Variants in TMEM200B observed in about 807,000 individuals in gnomAD.
The protein encoded by TMEM200B is transmembrane protein TTMA.
Under a neutral mutation model 17.6 loss-of-function variants are expected in TMEM200B, and 12 were observed. The ratio of observed to expected loss-of-function variants is 0.68; its 90% CI spans 0.44 to 1.11. The LOEUF is 1.11. Ranked by LOEUF, TMEM200B falls within the 50% of genes least tolerant of loss-of-function variation. The pLI is 0.00. For missense variants in TMEM200B, 456 were observed against 447.6 expected, an observed-to-expected ratio of 1.02 and a Z score of -0.17; for synonymous variants, 234 against 209.2, an observed-to-expected ratio of 1.12 and a Z score of -1.02.
rs1053060802 is a variant in TMEM200B at position 29,119,483 on chromosome 1, CAT to C, written c.*1420_*1421del. ...AGAAATAAAGATTTCCTCCAAGCCA[CAT>C]GAGGACTCTGGCACCCACCCACAAA... On this transcript the variant is annotated 3_prime_UTR_variant, in exon 2 of 2. Transcript: ENST00000521452. 28 of 152,370 alleles carry C rather than the reference CAT, an allele frequency of 1.8e-4. No individual in the cohort carries two copies. Among genetic ancestry groups the C allele is most frequent in the African/African-American group, 6.5e-4 (27 of 41,462 alleles). The allele number at this position is 152,370 out of a possible 1,614,324, so 9.4% of individuals were successfully genotyped here. A position where few individuals can be genotyped will look rare whatever the true frequency, so the allele number is the denominator to read the frequency against.
In TMEM200B at chr1:29,121,288, C is replaced by T; in HGVS notation, c.541G>A (p.Val181Ile). The change falls in exon 2 of 2, where the codon GTA becomes ATA. Residue 181 changes from valine (V) to isoleucine (I), a missense_variant. By Grantham distance (29) the Val-to-Ile change is conservative. Coordinates refer to ENST00000521452, the MANE Select transcript of TMEM200B (RefSeq NM_001003682.4). The surrounding 1 kb of genome is among the most constrained non-coding windows in gnomAD (Gnocchi z 5.6). ...CAGATTTCTGGCTCTGCGCAGCCTA[C>T]GGCTCGGGGACTCCTAGGGCCGGGG... ...PSPGPRSPRA[V>I]GCAEPEIWDP... The T allele has an allele frequency of 6.2e-7, 1 of 1,607,660 alleles. No homozygotes were observed. Among genetic ancestry groups the T allele is most frequent in the Non-Finnish European group, 8.5e-7 (1 of 1,177,880 alleles).
At position 29,121,782 on chromosome 1, in the gene TMEM200B, G is replaced by A; in HGVS notation, c.47C>T (p.Pro16Leu). ...GCCCAAGCGAGAGACGCGGCCCTCG[G>A]GGCTCCTCCGCACCTCCCCGCATTC... is the stretch of plus-strand genomic sequence containing the variant. ...PEECGEVRRS[P>L]EGRVSRLGRR... The change falls in exon 2 of 2, where the codon CCC (proline) becomes CTC (leucine). Residue 16 changes from proline to leucine, a missense_variant. Pro to Leu is a moderately conservative substitution (Grantham distance 98). Coordinates refer to ENST00000521452, the MANE Select transcript of TMEM200B (RefSeq NM_001003682.4). This position sits in a 1 kb window ranked among gnomAD's most constrained non-coding sequence, Gnocchi z 5.6. The A allele has an allele frequency of 7.9e-7, 1 of 1,258,678 alleles. No individual in the cohort carries two copies. The highest frequency in any genetic ancestry group is 3.0e-5 in the East Asian group (1 of 33,304). 78.0% of individuals were successfully genotyped at this position (1,258,678 alleles called of 1,614,324 possible).
rs945171729 is a variant in TMEM200B at position 29,123,897 on chromosome 1, C to T, written c.-62G>A. ...GCGCGGGTCCGGGTCCCAGTCCGCG[C>T]GCGGAGGCTCCAGAGCCGCCCGGGT... On this transcript the variant is annotated 5_prime_UTR_variant, in exon 1 of 2. Coordinates refer to ENST00000521452, the MANE Select transcript of TMEM200B (RefSeq NM_001003682.4). The T allele has an allele frequency of 2.0e-5, 3 of 152,134 alleles. No homozygotes were observed. The highest frequency in any genetic ancestry group is 4.4e-5 in the Non-Finnish European group (3 of 67,870). The allele number at this position is 152,134 out of a possible 1,614,324, so 9.4% of individuals were successfully genotyped here.
At chr1:29,123,542 G>A (rs1478331342) in intron 1 of TMEM200B, among the ~76,000 whole-genome samples, 1 of 152,092 alleles carries the variant, frequency 6.6e-6, no homozygotes, top group Non-Finnish European at 1.5e-5. Flanking sequence ...CGAGGGAAGC[G>A]AAAACAAGCA....
Position 29,121,594 on chromosome 1 carries a change from C to A in TMEM200B, c.235G>T (p.Ala79Ser). The change falls in exon 2 of 2, where the codon GCC becomes TCC. Residue 79 changes from alanine (A) to serine (S), a missense_variant. Transcript: ENST00000521452. The surrounding 1 kb of genome is among the most constrained non-coding windows in gnomAD (Gnocchi z 5.6). ...IAVAGYWPHR[A>S]GAPGSRAANA... ...GCGGCCCGGGACCCTGGGGCCCCGG[C>A]CCGGTGCGGCCAGTAGCCGGCCACT... 1 of 1,490,440 alleles carries A rather than the reference C, an allele frequency of 6.7e-7. No individual in the cohort carries two copies. The highest frequency in any genetic ancestry group is 2.8e-5 in the East Asian group (1 of 36,094). The allele number at this position is 1,490,440 out of a possible 1,614,324, so 92.3% of individuals were successfully genotyped here.
Position 29,120,705 on chromosome 1 carries a change from C to T in TMEM200B, c.*200G>A. The T allele has an allele frequency of 1.5e-6, 1 of 667,184 alleles. No individual in the cohort carries two copies. The highest frequency in any genetic ancestry group is 2.5e-6 in the Non-Finnish European group (1 of 398,732). The allele number at this position is 667,184 out of a possible 1,614,324, so 41.3% of individuals were successfully genotyped here. On this transcript the variant is annotated 3_prime_UTR_variant, in exon 2 of 2. Transcript: ENST00000521452. ...ACCCCACAGTGAAACGCACCCTCTC[C>T]AGCTCACTGAGCCCTGGTGCAGCTG...
chr1:29,123,440 C>G lies in TMEM200B; in HGVS notation c.-21+416G>C, dbSNP rs578087167. Reference sequence around the variant, plus strand: ...AGTTTGCAGCCCTTTCCCCAGCCCGCAACCGGAGGAGCGATCATCGCTTCA... The same window carrying G: ...AGTTTGCAGCCCTTTCCCCAGCCCGGAACCGGAGGAGCGATCATCGCTTCA... On this transcript the variant is annotated intron_variant, in intron 1 of 1. Coordinates refer to ENST00000521452, the MANE Select transcript of TMEM200B (RefSeq NM_001003682.4). 3.3e-5 allele frequency among the ~76,000 whole-genome samples: 5 copies of G among 152,310 alleles called. No homozygotes were observed. In the South Asian group the frequency reaches 1.0e-3, roughly 32 times the overall value.
chr1:29,123,693 A>AG (rs1274330002), intron 1 of TMEM200B, among the ~76,000 whole-genome samples, 163 bp downstream of exon 1: 9 of 146,494 alleles, frequency 6.1e-5, no homozygotes, highest in Admixed American at 6.1e-4. Flanking sequence ...CCAGGACTCC[A>AG]GGGTCCCGCC....
At chr1:29,122,059 G>C (rs1285092452) in intron 1 of TMEM200B, among the ~76,000 whole-genome samples, 1 of 152,146 alleles carries the variant, frequency 6.6e-6, no homozygotes, top group Non-Finnish European at 1.5e-5. Context: ...AGCCAGGCAC[G>C]CGCGGCAGAA....
rs1303948074 is a variant in TMEM200B at position 29,121,856 on chromosome 1, GAGA to G, written c.-20-11_-20-9del. On this transcript the variant is annotated splice_polypyrimidine_tract_variant and intron_variant, in intron 1 of 1. Coordinates refer to ENST00000521452, the MANE Select transcript of TMEM200B (RefSeq NM_001003682.4). The surrounding 1 kb of genome is among the most constrained non-coding windows in gnomAD (Gnocchi z 5.6). ...CGCCGTCGTCTGGGCGCTCTGCGGA[GAGA>G]AGATGGGAGGCAAGGACTGGACCGA... 1 of 1,270,622 alleles carries G rather than the reference GAGA, an allele frequency of 7.9e-7. No individual in the cohort carries two copies. The highest frequency in any genetic ancestry group is 1.5e-5 in the African/African-American group (1 of 65,354). The allele number at this position is 1,270,622 out of a possible 1,614,324, so 78.7% of individuals were successfully genotyped here.
At chr1:29,122,108 G>T (rs566832593) in intron 1 of TMEM200B, among the ~76,000 whole-genome samples, 1,771 of 152,274 alleles carry the variant, frequency 0.012, 13 homozygotes, top group Middle Eastern at 0.017. Context: ...GAGGAGGGAG[G>T]GGGGCGCAGG....
At position 29,121,352 on chromosome 1, in the gene TMEM200B, G is replaced by T. The variant is rs1313300950; in HGVS notation, c.477C>A (p.Pro159=). 3.0e-5 allele frequency: 47 copies of T among 1,560,586 alleles called. No homozygotes were observed. The Admixed American group carries it at 8.9e-4, about 29-fold the overall frequency. Residue 159 remains proline (P), a synonymous_variant, in exon 2 of 2, where the codon CCC becomes CCA. Coordinates refer to ENST00000521452, the MANE Select transcript of TMEM200B (RefSeq NM_001003682.4). The surrounding 1 kb of genome is among the most constrained non-coding windows in gnomAD (Gnocchi z 5.6). ...QGVLRAQALR[P]PDGPGWDCAL... is the part of the protein sequence containing the mutation. ...CGCAGTCCCAGCCCGGGCCGTCGGG[G>T]GGCCGGAGCGCCTGGGCCCGCAGCA...
At chr1:29,122,199 C>G (rs1048066516) in intron 1 of TMEM200B, among the ~76,000 whole-genome samples, 4 of 152,130 alleles carry the variant, frequency 2.6e-5, no homozygotes, top group Admixed American at 2.6e-4. Context: ...CCTCGGGAAA[C>G]GTGCGGCCCC....
rs1205165036 is a variant in TMEM200B, at chr1:29,121,211, C to T, written c.618G>A (p.Leu206=). The T allele has an allele frequency of 6.2e-7, 1 of 1,613,386 alleles. No individual in the cohort carries two copies. Among genetic ancestry groups the T allele is most frequent in the Admixed American group, 1.7e-5 (1 of 60,016 alleles). Residue 206 remains leucine, a synonymous_variant, in exon 2 of 2, where the codon CTG becomes CTA. Coordinates refer to ENST00000521452, the MANE Select transcript of TMEM200B (RefSeq NM_001003682.4). The surrounding 1 kb of genome is among the most constrained non-coding windows in gnomAD (Gnocchi z 5.6). ...GTSPVPSVRS[L]RSEPANPRLG... is the part of the protein sequence containing the mutation. ...AGCGAGGATTAGCGGGCTCTGAACGCAGACTCCGCACTGACGGGACGGGTG... is the reference window on the plus strand; with the variant it reads ...AGCGAGGATTAGCGGGCTCTGAACGTAGACTCCGCACTGACGGGACGGGTG...
In TMEM200B at chr1:29,120,944, G is replaced by A. The variant is rs1671737848; in HGVS notation, c.885C>T (p.Ala295=). Residue 295 remains alanine, a synonymous_variant, in exon 2 of 2, where the codon GCC becomes GCT. Transcript: ENST00000521452. The stretch of plus-strand genomic sequence containing the variant: ...CCAAGTCCCCTCCTCCTCCCAATTT[G>A]GCATAGCCCCCAAGACTGAGGCGGT... ...RLDRLSLGGY[A]KLGGGGDLGA... The A allele has an allele frequency of 4.3e-6, 7 of 1,611,074 alleles. No individual in the cohort carries two copies. The highest frequency in any genetic ancestry group is 1.7e-4 in the Middle Eastern group (1 of 6,048).
At position 29,121,484 on chromosome 1, in the gene TMEM200B, C is replaced by T; in HGVS notation, c.345G>A (p.Arg115=). ...CGCCCATGATCACCGGCCCGAGGAG[C>T]CGCAGCCGCTCGTGCGGGCCGTGAG... ...GRAHGPHERL[R]LLGPVIMGVG... is the part of the protein sequence containing the mutation. Residue 115 remains arginine, a synonymous_variant, in exon 2 of 2, where the codon CGG becomes CGA. Transcript: ENST00000521452. This position sits in a 1 kb window ranked among gnomAD's most constrained non-coding sequence, Gnocchi z 5.6. The T allele has an allele frequency of 1.3e-6, 2 of 1,527,208 alleles. No homozygotes were observed. Among genetic ancestry groups the T allele is most frequent in the Non-Finnish European group, 1.8e-6 (2 of 1,141,734 alleles). The allele number at this position is 1,527,208 out of a possible 1,614,324, so 94.6% of individuals were successfully genotyped here.
rs1250656445 is a variant in TMEM200B, at chr1:29,121,448, G to C, written c.381C>G (p.Phe127Leu). The C allele has an allele frequency of 3.3e-6, 5 of 1,534,558 alleles. No individual in the cohort carries two copies. The highest frequency in any genetic ancestry group is 2.5e-5 in the East Asian group (1 of 40,810). The change falls in exon 2 of 2, where the codon TTC (phenylalanine) becomes TTG (leucine). Residue 127 changes from phenylalanine to leucine, a missense_variant. Phe to Leu is a conservative substitution (Grantham distance 22, BLOSUM62 0). Coordinates refer to ENST00000521452, the MANE Select transcript of TMEM200B (RefSeq NM_001003682.4). This position sits in a 1 kb window ranked among gnomAD's most constrained non-coding sequence, Gnocchi z 5.6. ...GCAGTGTGTTGGCGCAGATGAACAC[G>C]AACAGGCCGACGCCCATGATCACCG... ...LGPVIMGVGLFVFICANTLLY... is the reference protein window; with the variant it reads ...LGPVIMGVGLLVFICANTLLY...
chr1:29,121,325 G>T lies in TMEM200B; in HGVS notation c.504C>A (p.Ala168=). 6.3e-7 allele frequency: 1 copy of T among 1,589,586 alleles called. No individual in the cohort carries two copies. The highest frequency in any genetic ancestry group is 2.3e-5 in the East Asian group (1 of 43,758). Residue 168 remains alanine, a synonymous_variant, in exon 2 of 2, where the codon GCC becomes GCA. Transcript: ENST00000521452. This position sits in a 1 kb window ranked among gnomAD's most constrained non-coding sequence, Gnocchi z 5.6. The stretch of plus-strand genomic sequence containing the variant: ...TCCTAGGGCCGGGGCTGGGAAGGAG[G>T]GCGCAGTCCCAGCCCGGGCCGTCGG... ...RPPDGPGWDC[A]LLPSPGPRSP...
chr1:29,121,193 A>C lies in TMEM200B; in HGVS notation c.636T>G (p.Asn212Lys). ...SVRSLRSEPA[N>K]PRLGLPALLN... ...GCAAGGCAGGTAACCCCAAGCGAGG[A>C]TTAGCGGGCTCTGAACGCAGACTCC... The change falls in exon 2 of 2, where the codon AAT (asparagine) becomes AAG (lysine). Residue 212 changes from asparagine (N) to lysine (K), a missense_variant. Transcript: ENST00000521452. This position sits in a 1 kb window ranked among gnomAD's most constrained non-coding sequence, Gnocchi z 5.6. 6.2e-7 allele frequency: 1 copy of C among 1,613,432 alleles called. No homozygotes were observed. The highest frequency in any genetic ancestry group is 8.5e-7 in the Non-Finnish European group (1 of 1,179,996).
Sources: allele counts gnomAD v4.1 joint callset (sites outside exome capture counted in the v4.1 genomes callset), GRCh38; gene constraint gnomAD v4.1.1; non-coding constraint Gnocchi (gnomAD v3.1); transcripts MANE v1.5; gene names NCBI Gene and HGNC (gene_info 2026-07-23, HGNC 2026-07-21).